The following UHRF2 variants were observed in gnomAD, a reference collection of about 807,000 sequenced individuals.
UHRF2 encodes E3 ubiquitin-protein ligase UHRF2.
A neutral mutation model predicts 96.8 loss-of-function variants in UHRF2; 23 were observed. That is an observed-to-expected ratio of 0.24 (90% CI 0.17 to 0.34). The LOEUF is 0.34. Ranked by LOEUF, UHRF2 falls within the 10% of genes least tolerant of loss-of-function variation. The probability of loss-of-function intolerance (pLI) is 1.00; values close to 1 mark genes in which losing one functional copy is unlikely to be tolerated. For missense variants in UHRF2, 685 were observed against 981.5 expected (o/e 0.70, Z 4.04); for synonymous variants, 385 against 332.6 (o/e 1.16, Z -1.72).
At chr9:6,430,599 A>G (rs938966997) in intron 2 of UHRF2, among the ~76,000 whole-genome samples, 1 of 151,996 alleles carries the variant, frequency 6.6e-6, no homozygotes, top group Non-Finnish European at 1.5e-5. Context: ...CATGCACTTA[A>G]CTACCTCCCT....
intron 2 of UHRF2, among the ~76,000 whole-genome samples, chr9:6,421,363 T>A (rs759173684): frequency 1.3e-5 from 2 of 152,206 alleles, no homozygotes; most frequent in South Asian, 4.1e-4. Flanking sequence ...AGGAAATACT[T>A]GTGTAATTGC....
At chr9:6,488,250 T>A in intron 9 of UHRF2, among the ~76,000 whole-genome samples, 1 of 71,686 alleles carries the variant, frequency 1.4e-5, no homozygotes. Context: ...CCCTGTCTCC[T>A]TAAAAAAAAA....
chr9:6,482,356 C>T (rs917715758), intron 8 of UHRF2, among the ~76,000 whole-genome samples: 2 of 152,140 alleles, frequency 1.3e-5, no homozygotes, highest in African/African-American at 4.8e-5. Flanking sequence ...TATTGTTAAG[C>T]TTTCTAAACA....
intron 3 of UHRF2, among the ~76,000 whole-genome samples, chr9:6,437,207 A>G (rs988253814): frequency 4.6e-5 from 7 of 152,190 alleles, no homozygotes; most frequent in African/African-American, 1.7e-4. Context: ...GTATAGCCTA[A>G]CAGTAGTAAT....
intron 3 of UHRF2, among the ~76,000 whole-genome samples, chr9:6,457,597 G>T (rs1238143933): frequency 1.3e-5 from 2 of 152,130 alleles, no homozygotes; most frequent in African/African-American, 4.8e-5. Flanking sequence ...TTTTCCAAGG[G>T]AATTCTTCCA....
rs146002220 is a variant in UHRF2, at chr9:6,420,240, A to G, written c.154-672A>G. 2.7e-3 allele frequency among the ~76,000 whole-genome samples: 410 copies of G among 151,876 alleles called. 3 individuals are homozygous for G. Among genetic ancestry groups the G allele is most frequent in the African/African-American group, 8.4e-3 (347 of 41,464 alleles). On this transcript the variant is annotated intron_variant, in intron 1 of 15. Coordinates refer to ENST00000276893, the MANE Select transcript of UHRF2 (RefSeq NM_152896.3). ...CCAGCTAATACTTTGTATTTCTAGTAGAGACGGGGTTTCACCATGTTGGTC... is the reference window on the plus strand; with the variant it reads ...CCAGCTAATACTTTGTATTTCTAGTGGAGACGGGGTTTCACCATGTTGGTC...
At chr9:6,488,663 G>T (rs1587868315) in intron 9 of UHRF2, among the ~76,000 whole-genome samples, 1 of 148,930 alleles carries the variant, frequency 6.7e-6, no homozygotes, top group Admixed American at 6.7e-5. Context: ...ACAGGCGGCC[G>T]GTTAATTTTT....
intron 9 of UHRF2, among the ~76,000 whole-genome samples, chr9:6,488,211 A>C (rs1824424684): frequency 7.8e-6 from 1 of 128,504 alleles, no homozygotes; most frequent in African/African-American, 3.0e-5. Context: ...CCAGCGCAGC[A>C]CTCCAGCCTG....
intron 4 of UHRF2, among the ~76,000 whole-genome samples, chr9:6,462,759 A>G (rs1011826571): frequency 1.2e-4 from 18 of 151,996 alleles, no homozygotes; most frequent in African/African-American, 4.4e-4. Flanking sequence ...TCTACTAAAA[A>G]TACAAAAATT....
At chr9:6,451,773 T>TTTGTTG (rs1168664809) in intron 3 of UHRF2, among the ~76,000 whole-genome samples, 32,091 of 148,712 alleles carry the variant, frequency 0.22, 3,798 homozygotes, top group African/African-American at 0.29. Flanking sequence ...GCCCGGCCTG[T>TTTGTTG]TTGTTGTTGT....
intron 8 of UHRF2, among the ~76,000 whole-genome samples, chr9:6,485,103 C>T (rs1824188224): frequency 1.3e-5 from 2 of 152,034 alleles, no homozygotes; most frequent in South Asian, 4.1e-4. Context: ...ATATTAACTT[C>T]TTTCTGTGGA....
chr9:6,487,182 C>CTTTTTT (rs1171978950), intron 9 of UHRF2, among the ~76,000 whole-genome samples: 406 of 69,560 alleles, frequency 5.8e-3, no homozygotes, highest in Middle Eastern at 0.023. Flanking sequence ...TTTTTTTTTC[C>CTTTTTT]TTTTTTTTTT....
At chr9:6,483,510 A>G (rs1824056541) in intron 8 of UHRF2, among the ~76,000 whole-genome samples, 1 of 152,114 alleles carries the variant, frequency 6.6e-6, no homozygotes, top group Admixed American at 6.6e-5. Context: ...AAAAGTCTGG[A>G]CAGATTCAGT....
At chr9:6,468,341 C>T (rs1451281448) in intron 4 of UHRF2, 1 of 424,056 alleles carries the variant, frequency 2.4e-6, no homozygotes, top group South Asian at 1.7e-5. Flanking sequence ...TGGAAAGCAC[C>T]TGTTTGCAGG....
At chr9:6,481,610 G>T in intron 6 of UHRF2, 33 bp from the exon 7 acceptor site, 1 of 1,602,738 alleles carries the variant, frequency 6.2e-7, no homozygotes, top group Non-Finnish European at 8.5e-7. Context: ...ATGGTATTGT[G>T]AAAATGCCTT....
chr9:6,467,008 G>GT (rs1382560804), intron 4 of UHRF2, among the ~76,000 whole-genome samples: 1 of 152,072 alleles, frequency 6.6e-6, no homozygotes, highest in Non-Finnish European at 1.5e-5. Context: ...CACCCCATTT[G>GT]TATTTAGTTT....
intron 8 of UHRF2, 82 bp from the exon 9 acceptor site, chr9:6,486,739 C>G (rs1302336932): frequency 7.3e-7 from 1 of 1,364,576 alleles, no homozygotes; most frequent in Non-Finnish European, 1.0e-6. Context: ...TCTTTAGGTA[C>G]CAAGAATATA....
At chr9:6,434,282 G>A in intron 3 of UHRF2, 109 bp downstream of exon 3, 1 of 1,329,048 alleles carries the variant, frequency 7.5e-7, no homozygotes, top group South Asian at 1.6e-5. Context: ...TCCTTTAGAG[G>A]TTATGTTCAT....
chr9:6,438,421 G>A (rs1408259248), intron 3 of UHRF2, among the ~76,000 whole-genome samples: 1 of 152,184 alleles, frequency 6.6e-6, no homozygotes, highest in Non-Finnish European at 1.5e-5. Flanking sequence ...TCACATTTTT[G>A]TACTTTAACT....
Sources: gnomAD v4.1 joint callset for allele counts (sites outside exome capture counted in the v4.1 genomes callset) on GRCh38, gnomAD v4.1.1 for gene constraint, MANE v1.5 for transcripts, NCBI Gene and HGNC (gene_info 2026-07-23, HGNC 2026-07-21) for gene names.